GSK3B: variants seen among roughly 807,000 people sequenced by gnomAD.
GSK3B encodes the protein glycogen synthase kinase 3 beta, also known as glycogen synthase kinase-3 beta.
In GSK3B, 15 loss-of-function variants were observed where a neutral mutation model predicts 56.4. The observed-to-expected ratio is 0.27, with a 90% CI of 0.18 to 0.41. The LOEUF (loss-of-function observed/expected upper bound fraction) is 0.41, where lower values mean the gene tolerates loss of function less well. GSK3B is among the 10% of genes least tolerant of loss of function. GSK3B has a pLI of 1.00. For missense variants in GSK3B, 300 were observed against 513.4 expected (o/e 0.58, Z 4.02); for synonymous variants, 181 against 188.9 (o/e 0.96, Z 0.34).
chr3:119,946,374 T>C (rs1054509103), intron 3 of GSK3B, among the ~76,000 whole-genome samples: 2 of 152,142 alleles, frequency 1.3e-5, no homozygotes, highest in Non-Finnish European at 2.9e-5. Flanking sequence ...AAAACTGTTA[T>C]ACTAAAAAAC....
intron 3 of GSK3B, among the ~76,000 whole-genome samples, chr3:119,931,916 A>G (rs2056949637): frequency 6.6e-6 from 1 of 152,154 alleles, no homozygotes; most frequent in South Asian, 2.1e-4. Flanking sequence ...TTATTAATAA[A>G]CTATTCTCTA....
chr3:119,984,457 T>C, intron 2 of GSK3B, among the ~76,000 whole-genome samples: 1 of 148,940 alleles, frequency 6.7e-6, no homozygotes, highest in East Asian at 1.9e-4. Flanking sequence ...ACAAAATTGA[T>C]AGACCGGTAG....
chr3:119,937,544 A>G (rs1392539370), intron 3 of GSK3B, among the ~76,000 whole-genome samples: 1 of 152,016 alleles, frequency 6.6e-6, no homozygotes, highest in Non-Finnish European at 1.5e-5. Flanking sequence ...GCAGCACTAA[A>G]CTGACTAAGA....
intron 7 of GSK3B, among the ~76,000 whole-genome samples, chr3:119,894,645 G>A (rs1040818135): frequency 6.6e-6 from 1 of 152,022 alleles, no homozygotes; most frequent in Non-Finnish European, 1.5e-5. Flanking sequence ...ACATACTGTA[G>A]ATACAAATCC....
chr3:119,917,449 T>C (rs1446827875), intron 4 of GSK3B, among the ~76,000 whole-genome samples: 2 of 152,140 alleles, frequency 1.3e-5, no homozygotes, highest in South Asian at 4.1e-4. Context: ...TAACATTTTT[T>C]AAAAACTTCA....
At chr3:120,066,461 C>A (rs1201202519) in intron 1 of GSK3B, among the ~76,000 whole-genome samples, 1 of 152,122 alleles carries the variant, frequency 6.6e-6, no homozygotes, top group African/African-American at 2.4e-5. Flanking sequence ...ATTAAAACAT[C>A]AAATATACTC....
intron 4 of GSK3B, among the ~76,000 whole-genome samples, chr3:119,919,925 G>A (rs529245671): frequency 5.4e-4 from 82 of 152,008 alleles, no homozygotes; most frequent in African/African-American, 2.0e-3. Flanking sequence ...AGAAAAATGT[G>A]TACCTTATGT....
intron 1 of GSK3B, among the ~76,000 whole-genome samples, chr3:120,017,117 A>G (rs2057834041): frequency 6.6e-6 from 1 of 152,220 alleles, no homozygotes; most frequent in Admixed American, 6.5e-5. Context: ...GGTAGACACT[A>G]TATTTAAATT....
chr3:120,034,313 ACTC>A (rs1437482511), intron 1 of GSK3B, among the ~76,000 whole-genome samples: 1 of 152,034 alleles, frequency 6.6e-6, no homozygotes, highest in Non-Finnish European at 1.5e-5. Flanking sequence ...AGAAAAACTT[ACTC>A]CTATGTTTTC....
chr3:119,840,422 C>T (rs1388597034), intron 10 of GSK3B, among the ~76,000 whole-genome samples: 1 of 152,044 alleles, frequency 6.6e-6, no homozygotes, highest in Non-Finnish European at 1.5e-5. Context: ...CAGGGTATCT[C>T]CACGTTGGTC....
chr3:119,920,056 G>A (rs1441333920), intron 4 of GSK3B, among the ~76,000 whole-genome samples: 1 of 152,124 alleles, frequency 6.6e-6, no homozygotes, highest in Non-Finnish European at 1.5e-5. Context: ...AGAGCAGAGG[G>A]AACAGAGATA....
At chr3:119,894,252 T>C (rs918200535) in intron 7 of GSK3B, among the ~76,000 whole-genome samples, 1 of 152,156 alleles carries the variant, frequency 6.6e-6, no homozygotes, top group Admixed American at 6.6e-5. Flanking sequence ...TTTGTGTGGA[T>C]GTAAGTTTTC....
At chr3:120,091,581 TAGAC>T (rs763526304) in intron 1 of GSK3B, among the ~76,000 whole-genome samples, 10 of 152,154 alleles carry the variant, frequency 6.6e-5, no homozygotes, top group Non-Finnish European at 1.2e-4. Flanking sequence ...TTAGCTGAAA[TAGAC>T]TGACTGATTT....
chr3:119,940,333 T>C (rs1407441276), intron 3 of GSK3B, among the ~76,000 whole-genome samples: 2 of 152,122 alleles, frequency 1.3e-5, no homozygotes, highest in Admixed American at 6.5e-5. Flanking sequence ...TGATTCTTTA[T>C]ACTATACTGC....
At chr3:120,020,425 C>G (rs1368808745) in intron 1 of GSK3B, among the ~76,000 whole-genome samples, 1 of 152,202 alleles carries the variant, frequency 6.6e-6, no homozygotes, top group Non-Finnish European at 1.5e-5. Flanking sequence ...ATCAGTGTCA[C>G]TTTTCCAACA....
intron 2 of GSK3B, among the ~76,000 whole-genome samples, chr3:119,962,608 A>G (rs927408060): frequency 3.3e-5 from 5 of 152,180 alleles, no homozygotes; most frequent in Non-Finnish European, 7.4e-5. Flanking sequence ...ATTTGTTTGC[A>G]TATGAAATAG....
chr3:120,073,434 C>T (rs1421793798), intron 1 of GSK3B, among the ~76,000 whole-genome samples: 1 of 152,112 alleles, frequency 6.6e-6, no homozygotes, highest in South Asian at 2.1e-4. Context: ...ACTGATTTTG[C>T]AATATGGATT....
intron 2 of GSK3B, among the ~76,000 whole-genome samples, chr3:120,000,925 T>A (rs1043545382): frequency 7.9e-6 from 1 of 126,042 alleles, no homozygotes; most frequent in East Asian, 2.1e-4. Context: ...CTCCTTTTTT[T>A]TTTTTTTTTT....
rs148099016 is a variant in GSK3B, at chr3:119,901,377, T to G, written c.813+4378A>C. On this transcript the variant is annotated intron_variant, in intron 7 of 10. Transcript: ENST00000264235. Reference sequence around the variant, plus strand: ...GACAATTCTATGCATGAAATTAACTTCAGAAAGTTAAATACTTGTGTTTTT... The same window carrying G: ...GACAATTCTATGCATGAAATTAACTGCAGAAAGTTAAATACTTGTGTTTTT... Among the ~76,000 whole-genome samples, 35 of 152,296 alleles carry G rather than the reference T, an allele frequency of 2.3e-4. 1 individual carries two copies. The East Asian group carries it at 6.7e-3, about 29-fold the overall frequency.
Sources: gnomAD v4.1 joint callset for allele counts (sites outside exome capture counted in the v4.1 genomes callset) on GRCh38, gnomAD v4.1.1 for gene constraint, MANE v1.5 for transcripts, NCBI Gene and HGNC (gene_info 2026-07-23, HGNC 2026-07-21) for gene names.